Variants in PLCB1 observed in about 807,000 individuals in gnomAD.
PLCB1 encodes 1-phosphatidylinositol 4,5-bisphosphate phosphodiesterase beta-1.
A neutral mutation model predicts 161.8 loss-of-function variants in PLCB1; 46 were observed. The observed-to-expected ratio is 0.28, with a 90% CI of 0.22 to 0.36. The LOEUF (loss-of-function observed/expected upper bound fraction) is 0.36. Among genes scored for constraint, PLCB1 ranks in the 10% least tolerant of loss-of-function variants. The pLI is 1.00. For synonymous variants in PLCB1, 517 were observed against 503.7 expected (o/e 1.03, Z -0.35); for missense variants, 1,016 against 1,472.5 (o/e 0.69, Z 5.07).
At chr20:8,727,593 A>C (rs1980009515) in intron 17 of PLCB1, among the ~76,000 whole-genome samples, 200 bp downstream of exon 17, 1 of 152,088 alleles carries the variant, frequency 6.6e-6, no homozygotes, top group South Asian at 2.1e-4. Flanking sequence ...GTCTTGGAAT[A>C]AAGGAAGCGT....
chr20:8,237,756 C>T (rs1980399395), intron 2 of PLCB1, among the ~76,000 whole-genome samples: 1 of 152,056 alleles, frequency 6.6e-6, no homozygotes, highest in Non-Finnish European at 1.5e-5. Flanking sequence ...GCAATATAAT[C>T]AGGCACCAAC....
At chr20:8,233,818 C>T (rs534168634) in intron 2 of PLCB1, among the ~76,000 whole-genome samples, 3 of 152,148 alleles carry the variant, frequency 2.0e-5, no homozygotes, top group South Asian at 2.1e-4. Flanking sequence ...TTTATTCTTA[C>T]GTCAATGAAA....
At chr20:8,780,661 T>C (rs1044840485) in intron 27 of PLCB1, among the ~76,000 whole-genome samples, 7 of 152,058 alleles carry the variant, frequency 4.6e-5, no homozygotes, top group African/African-American at 1.7e-4. Flanking sequence ...AGCTAAAAAG[T>C]TGTGTTTCAG....
intron 3 of PLCB1, among the ~76,000 whole-genome samples, chr20:8,617,543 G>A (rs145484728): frequency 1.2e-4 from 18 of 152,078 alleles, no homozygotes; most frequent in Non-Finnish European, 1.9e-4. Context: ...GCTAACATTC[G>A]GGGATTTGGA....
chr20:8,141,001 T>C (rs1289913577), intron 1 of PLCB1, among the ~76,000 whole-genome samples: 7 of 151,992 alleles, frequency 4.6e-5, no homozygotes, highest in Admixed American at 3.9e-4. Flanking sequence ...TTTCTCCATG[T>C]TGGTCAGGCT....
chr20:8,716,001 C>T, intron 12 of PLCB1: 1 of 379,884 alleles, frequency 2.6e-6, no homozygotes, highest in East Asian at 4.0e-5. Context: ...CCAGTTACAG[C>T]AAATGACATG....
At chr20:8,567,337 TC>T (rs927740051) in intron 3 of PLCB1, among the ~76,000 whole-genome samples, 1 of 152,012 alleles carries the variant, frequency 6.6e-6, no homozygotes, top group Non-Finnish European at 1.5e-5. Flanking sequence ...TAATTCCATT[TC>T]CCCCTCTGTC....
Position 8,731,044 on chromosome 20 carries a change from G to A in PLCB1, c.1888+1870G>A, listed in dbSNP as rs1047820296. On this transcript the variant is annotated intron_variant, in intron 18 of 31. Transcript: ENST00000338037. Reference sequence around the variant, plus strand: ...CCTTATTTATTGCTTTGGCCTTACCGTTCTCAGGTATTAAATGAGGGTTCC... The same window carrying A: ...CCTTATTTATTGCTTTGGCCTTACCATTCTCAGGTATTAAATGAGGGTTCC... 1.4e-4 allele frequency among the ~76,000 whole-genome samples: 21 copies of A among 151,518 alleles called. 1 individual carries two copies. The highest frequency in any genetic ancestry group is 8.3e-4 in the South Asian group (4 of 4,810).
At position 8,724,664 on chromosome 20, in the gene PLCB1, T is replaced by C. The variant is rs751676929; in HGVS notation, c.1590T>C (p.Ala530=). The change falls in exon 16 of 32, where the codon GCT becomes GCC. Residue 530 remains alanine, a synonymous_variant. Transcript: ENST00000338037. ...TTTATTCCTACTTCCAGGGGACTGC[T>C]GGAAGTGAGGCTATGGCCACAGAAG... ...CKKSSMDEGT[A]GSEAMATEEM... 2 of 1,588,684 alleles carry C rather than the reference T, an allele frequency of 1.3e-6. No homozygotes were observed. The highest frequency in any genetic ancestry group is 1.3e-5 in the African/African-American group (1 of 74,360).
rs138625524 is a variant in PLCB1 at position 8,744,655 on chromosome 20, TA to T, written c.2523+3089del. Reference sequence around the variant, plus strand: ...TAAAATAAAATAAAATAAAATAAAATAAAAAAATAAAATTGTTTGTAAATAT... The same window carrying T: ...TAAAATAAAATAAAATAAAATAAAATAAAAAATAAAATTGTTTGTAAATAT... On this transcript the variant is annotated intron_variant, in intron 23 of 31. Transcript: ENST00000338037. Among the ~76,000 whole-genome samples the T allele has an allele frequency of 3.7e-4, 53 of 143,054 alleles. 1 individual carries two copies. The highest frequency in any genetic ancestry group is 1.5e-3 in the African/African-American group (52 of 35,454). The allele number at this position is 143,054 out of a possible 152,430, so 93.8% of individuals were successfully genotyped here.
chr20:8,134,459 G>C (rs1224546532), intron 1 of PLCB1, among the ~76,000 whole-genome samples: 1 of 152,208 alleles, frequency 6.6e-6, no homozygotes, highest in Non-Finnish European at 1.5e-5. Flanking sequence ...TTGTTTGGGA[G>C]AGAATAGCCA....
At chr20:8,754,766 G>A (rs1263414691) in intron 23 of PLCB1, among the ~76,000 whole-genome samples, 1 of 152,158 alleles carries the variant, frequency 6.6e-6, no homozygotes, top group Admixed American at 6.5e-5. Context: ...AGTTTTTCAA[G>A]GGAAGTAAGA....
intron 31 of PLCB1, among the ~76,000 whole-genome samples, chr20:8,822,034 C>CTTT (rs1166587981): frequency 6.8e-5 from 10 of 148,128 alleles, no homozygotes; most frequent in African/African-American, 2.5e-4. Flanking sequence ...ATCTTTTTTC[C>CTTT]TTTTTTTTTT....
chr20:8,602,118 A>T (rs1308655586), intron 3 of PLCB1, among the ~76,000 whole-genome samples: 1 of 152,204 alleles, frequency 6.6e-6, no homozygotes, highest in Non-Finnish European at 1.5e-5. Flanking sequence ...TCATGAGACT[A>T]GTTTGAAAAG....
intron 2 of PLCB1, among the ~76,000 whole-genome samples, chr20:8,370,289 G>A (rs956237922): frequency 1.3e-5 from 2 of 152,156 alleles, no homozygotes; most frequent in Non-Finnish European, 2.9e-5. Flanking sequence ...CAGACATTTA[G>A]GGTTTCCATT....
At chr20:8,251,176 A>T (rs1252423399) in intron 2 of PLCB1, among the ~76,000 whole-genome samples, 2 of 151,898 alleles carry the variant, frequency 1.3e-5, no homozygotes, top group African/African-American at 2.4e-5. Flanking sequence ...TTTTGTAAGG[A>T]CACTAACCTC....
intron 26 of PLCB1, among the ~76,000 whole-genome samples, chr20:8,774,009 A>G (rs961012973): frequency 6.7e-6 from 1 of 148,634 alleles, no homozygotes; most frequent in Admixed American, 6.6e-5. Flanking sequence ...AACAGAACTC[A>G]GATGTCAGCC....
At chr20:8,196,944 T>C (rs1284436273) in intron 2 of PLCB1, among the ~76,000 whole-genome samples, 3 of 152,064 alleles carry the variant, frequency 2.0e-5, no homozygotes, top group Non-Finnish European at 4.4e-5. Flanking sequence ...TTGAGATAGT[T>C]TGCTGAGAAT....
chr20:8,304,417 C>T (rs988690130), intron 2 of PLCB1, among the ~76,000 whole-genome samples: 2 of 151,920 alleles, frequency 1.3e-5, no homozygotes, highest in Admixed American at 1.3e-4. Context: ...GCAGCTCAGC[C>T]AGTTTTCATT....
Sources: gnomAD v4.1 joint callset for allele counts (sites outside exome capture counted in the v4.1 genomes callset) on GRCh38, gnomAD v4.1.1 for gene constraint, MANE v1.5 for transcripts, NCBI Gene and HGNC (gene_info 2026-07-23, HGNC 2026-07-21) for gene names.